The following RHOBTB3 variants were observed in gnomAD, a reference collection of about 807,000 sequenced individuals.
RHOBTB3 encodes the protein Rho related BTB domain containing 3, also known as rho-related BTB domain-containing protein 3.
In RHOBTB3, 47 loss-of-function variants were observed where a neutral mutation model predicts 67.2. The ratio of observed to expected loss-of-function variants is 0.70; its 90% CI spans 0.55 to 0.89. The LOEUF is 0.89. Ranked by LOEUF, RHOBTB3 falls within the 40% of genes least tolerant of loss-of-function variation. The pLI is 0.00. For missense variants in RHOBTB3, 631 were observed against 750.0 expected, an observed-to-expected ratio of 0.84 and a Z score of 1.85; for synonymous variants, 273 against 274.2, an observed-to-expected ratio of 1.00 and a Z score of 0.04.
At chr5:95,767,996 A>G in intron 7 of RHOBTB3, 50 bp from the exon 8 acceptor site, 1 of 1,580,286 alleles carries the variant, frequency 6.3e-7, no homozygotes, top group Non-Finnish European at 8.7e-7. Flanking sequence ...CCTATATGTT[A>G]TCAAAGCATG....
intron 4 of RHOBTB3, among the ~76,000 whole-genome samples, chr5:95,749,224 G>A (rs1745015898): frequency 6.6e-6 from 1 of 152,252 alleles, no homozygotes; most frequent in South Asian, 2.1e-4. Context: ...CGGATGAGAA[G>A]TTAAAAGCAA....
At chr5:95,745,608 G>T (rs1157011647) in intron 3 of RHOBTB3, among the ~76,000 whole-genome samples, 1 of 151,972 alleles carries the variant, frequency 6.6e-6, no homozygotes, top group East Asian at 1.9e-4. Context: ...TTTCAAAGAT[G>T]TTATCCATTT....
intron 4 of RHOBTB3, chr5:95,751,258 T>A (rs984871246): frequency 3.3e-5 from 5 of 152,224 alleles, no homozygotes; most frequent in Non-Finnish European, 7.3e-5. Flanking sequence ...TTAATTTCAC[T>A]AATATTAACT....
intron 5 of RHOBTB3, 36 bp downstream of exon 5, chr5:95,752,386 A>G (rs966924658): frequency 7.8e-7 from 1 of 1,276,118 alleles, no homozygotes; most frequent in Non-Finnish European, 1.1e-6. Flanking sequence ...CATTCATTAA[A>G]CATTCATTAC....
chr5:95,748,323 G>A lies in RHOBTB3; in HGVS notation c.416-10G>A. 6.4e-7 allele frequency: 1 copy of A among 1,569,526 alleles called. No homozygotes were observed. Among genetic ancestry groups the A allele is most frequent in the African/African-American group, 1.4e-5 (1 of 72,942 alleles). On this transcript the variant is annotated splice_polypyrimidine_tract_variant and intron_variant, in intron 3 of 11. Coordinates refer to ENST00000379982, the MANE Select transcript of RHOBTB3 (RefSeq NM_014899.4). ...TTCGAAACTCTTTGTTTTAAAATTT[G>A]TTTTCTCAGAAGAGTTACCTTGTAC...
chr5:95,749,278 G>A (rs997323909), intron 4 of RHOBTB3, among the ~76,000 whole-genome samples: 1 of 152,210 alleles, frequency 6.6e-6, no homozygotes. Flanking sequence ...TCCGCCATCG[G>A]TTCCCTAGCT....
chr5:95,781,251 C>T (rs1025084375), intron 9 of RHOBTB3: 1 of 152,334 alleles, frequency 6.6e-6, no homozygotes, highest in South Asian at 2.1e-4. Flanking sequence ...GATTCGGCCC[C>T]GTGGAGCTCA....
At chr5:95,782,387 CAG>C (rs1746075634) in intron 9 of RHOBTB3, 1 of 152,088 alleles carries the variant, frequency 6.6e-6, no homozygotes, top group Non-Finnish European at 1.5e-5. Flanking sequence ...AAGGGGGAAA[CAG>C]GGAGTTAGTG....
At chr5:95,768,788 C>T (rs1327516566) in intron 8 of RHOBTB3, among the ~76,000 whole-genome samples, 2 of 152,166 alleles carry the variant, frequency 1.3e-5, no homozygotes, top group African/African-American at 4.8e-5. Flanking sequence ...TGTTTGAGTG[C>T]CCATTATTGA....
At chr5:95,765,030 T>C (rs1025814336) in intron 7 of RHOBTB3, among the ~76,000 whole-genome samples, 5 of 152,204 alleles carry the variant, frequency 3.3e-5, no homozygotes, top group Admixed American at 3.3e-4. Flanking sequence ...ACAGTTCATC[T>C]AGTTGTCTTG....
chr5:95,748,873 T>C (rs1445765402), intron 4 of RHOBTB3, among the ~76,000 whole-genome samples: 2 of 152,212 alleles, frequency 1.3e-5, no homozygotes, highest in East Asian at 1.9e-4. Flanking sequence ...CATCTACCAG[T>C]TGGAAAGAAT....
chr5:95,744,057 C>T (rs1333667470), intron 3 of RHOBTB3, among the ~76,000 whole-genome samples: 2 of 151,562 alleles, frequency 1.3e-5, no homozygotes, highest in Admixed American at 6.6e-5. Context: ...TCTCTCCTTC[C>T]CTCTTCTCTC....
At chr5:95,777,927 G>A (rs775451726) in intron 8 of RHOBTB3, among the ~76,000 whole-genome samples, 1 of 152,046 alleles carries the variant, frequency 6.6e-6, no homozygotes, top group Non-Finnish European at 1.5e-5. Flanking sequence ...GACCAGCCTG[G>A]CCAACACAGC....
chr5:95,792,088 A>G (rs1746414957), intron 11 of RHOBTB3, among the ~76,000 whole-genome samples: 1 of 152,232 alleles, frequency 6.6e-6, no homozygotes, highest in Admixed American at 6.5e-5. Context: ...CAAGGCAGGA[A>G]GCAGGTCCAG....
intron 7 of RHOBTB3, among the ~76,000 whole-genome samples, chr5:95,765,264 A>G (rs2112811122): frequency 6.6e-6 from 1 of 152,352 alleles, no homozygotes; most frequent in East Asian, 1.9e-4. Context: ...TGACAAGTAC[A>G]GAAATCTTGC....
intron 8 of RHOBTB3, chr5:95,770,466 T>A (rs936653531): frequency 3.4e-6 from 1 of 297,310 alleles, no homozygotes; most frequent in African/African-American, 2.2e-5. Context: ...TGTTGAAGGA[T>A]CTTTGGTAGT....
chr5:95,736,638 G>A (rs980201954), intron 2 of RHOBTB3, among the ~76,000 whole-genome samples: 22 of 152,154 alleles, frequency 1.4e-4, no homozygotes, highest in African/African-American at 5.1e-4. Context: ...AATAGTGAAA[G>A]AGGTTGCTTA....
rs770530277 is a variant in RHOBTB3 at position 95,731,613 on chromosome 5, C to T, written c.-70C>T. ...AGCGGATTGCGGGTGAACTCGCCGC[C>T]CGGGGGCCCCGCGAAGCCGTGAGCC... On this transcript the variant is annotated 5_prime_UTR_variant, in exon 1 of 12. Coordinates refer to ENST00000379982, the MANE Select transcript of RHOBTB3 (RefSeq NM_014899.4). The T allele has an allele frequency of 2.5e-6, 4 of 1,602,470 alleles. No individual in the cohort carries two copies. Among genetic ancestry groups the T allele is most frequent in the Non-Finnish European group, 3.4e-6 (4 of 1,175,136 alleles).
At chr5:95,731,323 C>G, upstream of RHOBTB3, 1 of 1,079,488 alleles carries the variant, frequency 9.3e-7, no homozygotes, top group South Asian at 4.4e-5. Context: ...GGAGGAGGAG[C>G]AGCGGCAGCG....
Sources: gnomAD v4.1 joint callset for allele counts (sites outside exome capture counted in the v4.1 genomes callset) on GRCh38, gnomAD v4.1.1 for gene constraint, MANE v1.5 for transcripts, NCBI Gene and HGNC (gene_info 2026-07-23, HGNC 2026-07-21) for gene names.